CCN4: variants seen among roughly 807,000 people sequenced by gnomAD.
CCN4 encodes the protein CCN family member 4.
In CCN4, 30 loss-of-function variants were observed where a neutral mutation model predicts 36.7. The ratio of observed to expected loss-of-function variants is 0.82; its 90% CI spans 0.61 to 1.11. The LOEUF is 1.11. Ranked by LOEUF, CCN4 falls within the 50% of genes least tolerant of loss-of-function variation. The pLI is 0.00. For missense variants in CCN4, 505 were observed against 504.9 expected (o/e 1.00, Z 0.00); for synonymous variants, 191 against 195.4 (o/e 0.98, Z 0.19).
intron 2 of CCN4, among the ~76,000 whole-genome samples, chr8:133,216,163 G>A (rs1046940973): frequency 2.0e-5 from 3 of 152,164 alleles, no homozygotes; most frequent in African/African-American, 4.8e-5. Context: ...TGTGGGGTCT[G>A]CAAAAGAATA....
chr8:133,231,440 A>G lies in CCN4; in HGVS notation c.*3730A>G, dbSNP rs1175985640. 6.6e-6 allele frequency: 1 copy of G among 152,238 alleles called. No individual in the cohort carries two copies. Among genetic ancestry groups the G allele is most frequent in the Non-Finnish European group, 1.5e-5 (1 of 68,042 alleles). The allele number at this position is 152,238 out of a possible 1,614,324, so 9.4% of individuals were successfully genotyped here. A position where few individuals can be genotyped will look rare whatever the true frequency, so the allele number is the denominator to read the frequency against. ...GTCTTAGAATTTTCCAATAGAGGAAAAATAACACTTGGGCAATCTGTCATG... is the reference window on the plus strand; with the variant it reads ...GTCTTAGAATTTTCCAATAGAGGAAGAATAACACTTGGGCAATCTGTCATG... On this transcript the variant is annotated 3_prime_UTR_variant, in exon 5 of 5. Coordinates refer to ENST00000250160, the MANE Select transcript of CCN4 (RefSeq NM_003882.4).
rs1378051330 is a variant in CCN4 at position 133,229,800 on chromosome 8, A to C, written c.*2090A>C. 1 of 152,262 alleles carries C rather than the reference A, an allele frequency of 6.6e-6. No homozygotes were observed. The highest frequency in any genetic ancestry group is 1.5e-5 in the Non-Finnish European group (1 of 68,042). The allele number at this position is 152,262 out of a possible 1,614,324, so 9.4% of individuals were successfully genotyped here. On this transcript the variant is annotated 3_prime_UTR_variant, in exon 5 of 5. Transcript: ENST00000250160. ...ATTTTATATTAAGTGCCTTAGCAAA[A>C]GAGACATTTAATATTTCAAAGAAAT...
chr8:133,231,377 T>G lies in CCN4; in HGVS notation c.*3667T>G, dbSNP rs1230044478. 6.6e-6 allele frequency: 1 copy of G among 152,212 alleles called. No individual in the cohort carries two copies. The highest frequency in any genetic ancestry group is 1.5e-5 in the Non-Finnish European group (1 of 68,040). 9.4% of individuals were successfully genotyped at this position (152,212 alleles called of 1,614,324 possible). ...TGATTTAATATTTAAATATTCCTACTGCCATTTTTGTGACTGAAAAACTAC... is the reference window on the plus strand; with the variant it reads ...TGATTTAATATTTAAATATTCCTACGGCCATTTTTGTGACTGAAAAACTAC... On this transcript the variant is annotated 3_prime_UTR_variant, in exon 5 of 5. Coordinates refer to ENST00000250160, the MANE Select transcript of CCN4 (RefSeq NM_003882.4).
intron 1 of CCN4, among the ~76,000 whole-genome samples, chr8:133,202,567 A>G (rs929166651): frequency 6.6e-6 from 1 of 152,212 alleles, no homozygotes; most frequent in Non-Finnish European, 1.5e-5. Context: ...CCCCGCCTGC[A>G]TGTTTATAAA....
At position 133,191,039 on chromosome 8, in the gene CCN4, A is replaced by G. The variant is rs541408686; in HGVS notation, c.-106A>G. On this transcript the variant is annotated 5_prime_UTR_variant, in exon 1 of 5. Transcript: ENST00000250160. ...ACCCCCCAAGGGCTGCGGAAGAGGCATATCTGGTGCTCCTGATGGGCCGGC... is the reference window on the plus strand; with the variant it reads ...ACCCCCCAAGGGCTGCGGAAGAGGCGTATCTGGTGCTCCTGATGGGCCGGC... The G allele has an allele frequency of 1.7e-6, 2 of 1,159,102 alleles. No individual in the cohort carries two copies. The highest frequency in any genetic ancestry group is 2.5e-5 in the South Asian group (2 of 78,652). 71.8% of individuals were successfully genotyped at this position (1,159,102 alleles called of 1,614,324 possible). A position where few individuals can be genotyped will look rare whatever the true frequency, so the allele number is the denominator to read the frequency against.
At chr8:133,200,582 C>T (rs1445479622) in intron 1 of CCN4, among the ~76,000 whole-genome samples, 1 of 152,234 alleles carries the variant, frequency 6.6e-6, no homozygotes, top group Non-Finnish European at 1.5e-5. Flanking sequence ...TGGGCAAGAA[C>T]AAGGTGCCTT....
At chr8:133,216,278 C>A (rs1382338120) in intron 2 of CCN4, among the ~76,000 whole-genome samples, 1 of 152,162 alleles carries the variant, frequency 6.6e-6, no homozygotes, top group Non-Finnish European at 1.5e-5. Flanking sequence ...CAGGCTAAAT[C>A]TGTCCTTAAA....
intron 3 of CCN4, among the ~76,000 whole-genome samples, chr8:133,223,500 G>A (rs1010839093): frequency 2.0e-5 from 3 of 152,158 alleles, no homozygotes; most frequent in African/African-American, 7.2e-5. Flanking sequence ...TAAGCTTAGA[G>A]GAACTGACTT....
intron 1 of CCN4, among the ~76,000 whole-genome samples, chr8:133,207,736 G>C (rs922682292): frequency 6.6e-6 from 1 of 152,230 alleles, no homozygotes; most frequent in African/African-American, 2.4e-5. Context: ...TCTTAGGTAT[G>C]TTGATTATAA....
intron 1 of CCN4, among the ~76,000 whole-genome samples, chr8:133,196,119 T>C (rs960896707): frequency 1.3e-5 from 2 of 152,208 alleles, no homozygotes; most frequent in Non-Finnish European, 2.9e-5. Flanking sequence ...CCTGCATCCC[T>C]GTGATGTGGA....
In CCN4 at chr8:133,227,919, CTA is replaced by C; in HGVS notation, c.*210_*211del. 1.7e-6 allele frequency: 1 copy of C among 590,824 alleles called. No individual in the cohort carries two copies. The highest frequency in any genetic ancestry group is 2.4e-5 in the South Asian group (1 of 40,946). 36.6% of individuals were successfully genotyped at this position (590,824 alleles called of 1,614,324 possible). A position where few individuals can be genotyped will look rare whatever the true frequency, so the allele number is the denominator to read the frequency against. On this transcript the variant is annotated 3_prime_UTR_variant, in exon 5 of 5. Transcript: ENST00000250160. ...TCCTTGATATCATTCAGCATCTACT[CTA>C]AAGAAAAATGCCTGTCTCTAGCTGT...
intron 1 of CCN4, among the ~76,000 whole-genome samples, chr8:133,194,856 TTGAG>T (rs940193231): frequency 7.1e-6 from 1 of 140,408 alleles, no homozygotes; most frequent in African/African-American, 2.7e-5. Context: ...GGTGTGTGTG[TTGAG>T]TGTGTTTGTG....
At position 133,191,235 on chromosome 8, in the gene CCN4, T is replaced by C. The variant is rs372221043; in HGVS notation, c.69+22T>C. The C allele has an allele frequency of 4.3e-5, 69 of 1,600,284 alleles. No individual in the cohort carries two copies. In the African/African-American group the frequency reaches 8.7e-4, roughly 20 times the overall value. On this transcript the variant is annotated intron_variant, in intron 1 of 4. Coordinates refer to ENST00000250160, the MANE Select transcript of CCN4 (RefSeq NM_003882.4). ...CACGGTGAGTCCTGCCTGGAGGGGCTCAGAGGGAGACCCAGCTCCCTTCTC... is the reference window on the plus strand; with the variant it reads ...CACGGTGAGTCCTGCCTGGAGGGGCCCAGAGGGAGACCCAGCTCCCTTCTC...
chr8:133,196,690 A>C (rs1564250199), intron 1 of CCN4, among the ~76,000 whole-genome samples: 1 of 152,174 alleles, frequency 6.6e-6, no homozygotes, highest in African/African-American at 2.4e-5. Context: ...TCTCTGTATA[A>C]AGGAATATAT....
In CCN4 at chr8:133,227,783, T is replaced by C; in HGVS notation, c.*73T>C. ...CAGTCAGCCCTTATGGCCAATAACTTTTCACCAATGAGCCTTAGTTACCCT... is the reference window on the plus strand; with the variant it reads ...CAGTCAGCCCTTATGGCCAATAACTCTTCACCAATGAGCCTTAGTTACCCT... On this transcript the variant is annotated 3_prime_UTR_variant, in exon 5 of 5. Coordinates refer to ENST00000250160, the MANE Select transcript of CCN4 (RefSeq NM_003882.4). 1 of 1,513,462 alleles carries C rather than the reference T, an allele frequency of 6.6e-7. No homozygotes were observed. Among genetic ancestry groups the C allele is most frequent in the Non-Finnish European group, 8.9e-7 (1 of 1,120,224 alleles). The allele number at this position is 1,513,462 out of a possible 1,614,324, so 93.8% of individuals were successfully genotyped here.
intron 3 of CCN4, 135 bp from the exon 4 acceptor site, chr8:133,225,255 C>A: frequency 1.2e-6 from 1 of 823,988 alleles, no homozygotes; most frequent in Non-Finnish European, 1.9e-6. Context: ...AGCCAACTTG[C>A]TGTCCTGTGG....
Position 133,220,643 on chromosome 8 carries a change from C to G in CCN4, c.412C>G (p.Pro138Ala), listed in dbSNP as rs781631284. 8 of 1,614,098 alleles carry G rather than the reference C, an allele frequency of 5.0e-6. No individual in the cohort carries two copies. Among genetic ancestry groups the G allele is most frequent in the Admixed American group, 3.3e-5 (2 of 60,016 alleles). Residue 138 changes from proline to alanine, a missense_variant, in exon 3 of 5, where the codon CCT becomes GCT. Physicochemically the swap from Pro to Ala is conservative, Grantham distance 27. Coordinates refer to ENST00000250160, the MANE Select transcript of CCN4 (RefSeq NM_003882.4). ...CTACAACAACGGCCAGTCCTTCCAG[C>G]CTAACTGCAAGTACAACTGCACGTG... ...VRYNNGQSFQ[P>A]NCKYNCTCID...
chr8:133,210,897 C>T (rs1188854680), intron 1 of CCN4, among the ~76,000 whole-genome samples: 1 of 152,204 alleles, frequency 6.6e-6, no homozygotes, highest in East Asian at 1.9e-4. Context: ...TAGGAAGGGC[C>T]TCTCAGCCAC....
intron 1 of CCN4, among the ~76,000 whole-genome samples, chr8:133,193,235 G>A (rs1853180070): frequency 6.6e-6 from 1 of 152,204 alleles, no homozygotes; most frequent in Non-Finnish European, 1.5e-5. Flanking sequence ...GATCTTAATG[G>A]AAAAAATTGT....
Sources: gnomAD v4.1 joint callset for allele counts (sites outside exome capture counted in the v4.1 genomes callset) on GRCh38, gnomAD v4.1.1 for gene constraint, MANE v1.5 for transcripts, NCBI Gene and HGNC (gene_info 2026-07-23, HGNC 2026-07-21) for gene names.